The following PACRGL variants were observed in gnomAD, a reference collection of about 807,000 sequenced individuals.
PACRGL encodes PACRG-like protein.
Under a neutral mutation model 34.5 loss-of-function variants are expected in PACRGL, and 38 were observed. The observed-to-expected ratio is 1.10, with a 90% CI of 0.85 to 1.44. The LOEUF (loss-of-function observed/expected upper bound fraction) is 1.44, where lower values mean the gene tolerates loss of function less well. Among genes scored for constraint, PACRGL ranks in the 40% most tolerant of loss-of-function variants. The pLI is 0.00. For missense variants in PACRGL, 305 were observed against 281.4 expected (o/e 1.08, Z -0.60); for synonymous variants, 128 against 100.1 (o/e 1.28, Z -1.66).
upstream of PACRGL, among the ~76,000 whole-genome samples, chr4:20,699,708 G>A (rs2149014810): frequency 6.6e-6 from 1 of 152,196 alleles, no homozygotes; most frequent in South Asian, 2.1e-4. Context: ...GGAGTGCAGT[G>A]GACAGGTCCA....
chr4:20,699,152 TATA>T (rs1173714016), upstream of PACRGL, among the ~76,000 whole-genome samples: 1 of 152,038 alleles, frequency 6.6e-6, no homozygotes, highest in Non-Finnish European at 1.5e-5. Context: ...GTAAGGAAAA[TATA>T]ATAAGTCTTG....
chr4:20,714,129 G>T (rs1738634239), intron 7 of PACRGL, among the ~76,000 whole-genome samples: 1 of 152,152 alleles, frequency 6.6e-6, no homozygotes, highest in Non-Finnish European at 1.5e-5. Context: ...TTGTGTGGGA[G>T]TCGAAATCTC....
chr4:20,735,906 G>T (rs1007420692), downstream of PACRGL, among the ~76,000 whole-genome samples: 5 of 152,130 alleles, frequency 3.3e-5, no homozygotes, highest in Non-Finnish European at 7.4e-5. Context: ...TCCACTTTTA[G>T]GTAGGAATGA....
upstream of PACRGL, among the ~76,000 whole-genome samples, chr4:20,699,700 A>G (rs1039467759): frequency 4.4e-4 from 67 of 152,294 alleles, no homozygotes; most frequent in African/African-American, 1.4e-3. Context: ...GCTAAAGAGG[A>G]GTGCAGTGGA....
downstream of PACRGL, chr4:20,734,559 A>T: frequency 1.3e-6 from 1 of 749,336 alleles, no homozygotes; most frequent in South Asian, 2.4e-5. Flanking sequence ...TAATAATTGC[A>T]ATTAATATTT....
chr4:20,746,258 A>T (rs1752396139), intron 8 of PACRGL, among the ~76,000 whole-genome samples: 1 of 152,216 alleles, frequency 6.6e-6, no homozygotes, highest in African/African-American at 2.4e-5. Context: ...CATTCTCAGC[A>T]AACTATCATG....
intron 8 of PACRGL, among the ~76,000 whole-genome samples, chr4:20,743,266 C>G (rs1052387948): frequency 6.6e-6 from 1 of 152,140 alleles, no homozygotes; most frequent in Non-Finnish European, 1.5e-5. Context: ...TTGGAAAAAA[C>G]TACTTTAAAG....
rs531787503 is a variant in PACRGL at position 20,722,320 on chromosome 4, A to T, written c.610-2488A>T. Among the ~76,000 whole-genome samples, 5 of 152,274 alleles carry T rather than the reference A, an allele frequency of 3.3e-5. 1 individual carries two copies. In the East Asian group the frequency reaches 9.7e-4, roughly 30 times the overall value. On this transcript the variant is annotated intron_variant, in intron 7 of 8. Transcript: ENST00000503585. ...TGCTTCGGCTCACACTTGGTGCGCT[A>T]TACCCGCTGTCCTGCACCCACTGTC...
intron 8 of PACRGL, among the ~76,000 whole-genome samples, chr4:20,726,416 T>C (rs1415621150): frequency 6.6e-6 from 1 of 152,186 alleles, no homozygotes; most frequent in Admixed American, 6.5e-5. Context: ...TCTTATATCC[T>C]ACATAATATT....
chr4:20,713,573 G>C, intron 7 of PACRGL, 34 bp downstream of exon 7: 3 of 1,502,472 alleles, frequency 2.0e-6, no homozygotes, highest in Non-Finnish European at 2.8e-6. Flanking sequence ...ATGATTGACT[G>C]TATGTATCAT....
In PACRGL at chr4:20,714,690, G is replaced by A. The variant is rs903189246; in HGVS notation, c.609+1151G>A. 7.2e-5 allele frequency among the ~76,000 whole-genome samples: 11 copies of A among 152,086 alleles called. No homozygotes were observed. The East Asian group carries it at 1.7e-3, about 24-fold the overall frequency. ...TCCTTCAGGAGCTCTTTTAGGGCAG[G>A]CCTGGTGGAAATGCAAATCAAAACC... On this transcript the variant is annotated intron_variant, in intron 7 of 8. Transcript: ENST00000503585.
intron 8 of PACRGL, among the ~76,000 whole-genome samples, chr4:20,741,294 A>G (rs1356160959): frequency 6.6e-6 from 1 of 152,046 alleles, no homozygotes; most frequent in Non-Finnish European, 1.5e-5. Context: ...CGTCACACTT[A>G]TTCCAAAATT....
downstream of PACRGL, chr4:20,732,927 T>C (rs1020013248): frequency 1.9e-5 from 11 of 582,472 alleles, 1 homozygote; most frequent in South Asian, 2.5e-4. Flanking sequence ...CTGTTGGTTG[T>C]CCCAAAGGAA....
chr4:20,716,125 A>G, intron 7 of PACRGL: 1 of 1,517,134 alleles, frequency 6.6e-7, no homozygotes, highest in Non-Finnish European at 8.8e-7. Context: ...GCAGCTCATG[A>G]GGTTCCCAAG....
rs1299925873 is a variant in PACRGL at position 20,728,817 on chromosome 4, AT to A, written c.*1479del. On this transcript the variant is annotated 3_prime_UTR_variant, in exon 9 of 9. Transcript: ENST00000503585. ...TTTATTGTTGCAAAGACAGTTGCAA[AT>A]TTCCTCCTTCTGTAGCCTCTTGGTC... 6 of 152,496 alleles carry A rather than the reference AT, an allele frequency of 3.9e-5. No homozygotes were observed. Among genetic ancestry groups the A allele is most frequent in the Non-Finnish European group, 5.9e-5 (4 of 67,996 alleles). The allele number at this position is 152,496 out of a possible 1,614,324, so 9.4% of individuals were successfully genotyped here.
chr4:20,751,626 T>C (rs1344669592), intron 8 of PACRGL, among the ~76,000 whole-genome samples: 1 of 152,138 alleles, frequency 6.6e-6, no homozygotes, highest in Non-Finnish European at 1.5e-5. Flanking sequence ...AGTAAATGCC[T>C]TTACCTTAGC....
intron 8 of PACRGL, among the ~76,000 whole-genome samples, chr4:20,744,066 C>T (rs998025475): frequency 6.6e-6 from 1 of 152,122 alleles, no homozygotes; most frequent in African/African-American, 2.4e-5. Context: ...CAATGAGATA[C>T]CATCTCACAC....
At chr4:20,696,862 C>T (rs959937498), upstream of PACRGL, among the ~76,000 whole-genome samples, 1 of 152,116 alleles carries the variant, frequency 6.6e-6, no homozygotes, top group African/African-American at 2.4e-5. Context: ...AGACTTAGCA[C>T]AAATAACAAG....
chr4:20,719,636 G>A (rs1430713683), intron 7 of PACRGL, among the ~76,000 whole-genome samples: 14 of 152,262 alleles, frequency 9.2e-5, no homozygotes, highest in South Asian at 6.2e-4. Flanking sequence ...GTAGTTGAGC[G>A]GTTTTGAGTG....
Sources: gnomAD v4.1 joint callset for allele counts (sites outside exome capture counted in the v4.1 genomes callset) on GRCh38, gnomAD v4.1.1 for gene constraint, MANE v1.5 for transcripts, NCBI Gene and HGNC (gene_info 2026-07-23, HGNC 2026-07-21) for gene names.